The following C6orf136 variants were observed in gnomAD, a reference collection of about 807,000 sequenced individuals.
C6orf136 encodes the protein uncharacterized protein C6orf136.
Under a neutral mutation model 44.0 loss-of-function variants are expected in C6orf136, and 29 were observed. That is an observed-to-expected ratio of 0.66 (90% CI 0.49 to 0.90). C6orf136 has a LOEUF of 0.90. Ranked by LOEUF, C6orf136 falls within the 40% of genes least tolerant of loss-of-function variation. The pLI is 0.00. For missense variants in C6orf136, 628 were observed against 669.3 expected (o/e 0.94, Z 0.68); for synonymous variants, 293 against 278.6 (o/e 1.05, Z -0.52).
chr6:30,652,992 A>G lies in C6orf136; in HGVS notation c.*77A>G. On this transcript the variant is annotated 3_prime_UTR_variant, in exon 6 of 6. Transcript: ENST00000651131. ...GGAGGTGGAGGCAGCCAAGAATCTC[A>G]GGAGCCAGCTTCCTCTCCTCGTTTC... 7.5e-7 allele frequency: 1 copy of G among 1,339,078 alleles called. No homozygotes were observed. The highest frequency in any genetic ancestry group is 1.1e-6 in the Non-Finnish European group (1 of 942,030). The allele number at this position is 1,339,078 out of a possible 1,614,324, so 82.9% of individuals were successfully genotyped here. A position where few individuals can be genotyped will look rare whatever the true frequency, so the allele number is the denominator to read the frequency against.
At chr6:30,650,904 T>TC (rs1767345104) in intron 2 of C6orf136, 90 bp from the exon 3 acceptor site, 7 of 944,334 alleles carry the variant, frequency 7.4e-6, no homozygotes, top group Non-Finnish European at 1.2e-5. Flanking sequence ...AGAGCTAGAC[T>TC]CCGTCTCAAA....
At position 30,653,174 on chromosome 6, in the gene C6orf136, T is replaced by A; in HGVS notation, c.*259T>A. 6.6e-7 allele frequency: 1 copy of A among 1,523,312 alleles called. No homozygotes were observed. The highest frequency in any genetic ancestry group is 2.3e-5 in the East Asian group (1 of 43,510). The allele number at this position is 1,523,312 out of a possible 1,614,324, so 94.4% of individuals were successfully genotyped here. ...AAGCTTTATTCCAAAAATAATTTTATTTAATAGGTATTAAATAATGTATAG... is the reference window on the plus strand; with the variant it reads ...AAGCTTTATTCCAAAAATAATTTTAATTAATAGGTATTAAATAATGTATAG... On this transcript the variant is annotated 3_prime_UTR_variant, in exon 6 of 6. Coordinates refer to ENST00000651131, the MANE Select transcript of C6orf136 (RefSeq NM_001161376.2).
Position 30,652,860 on chromosome 6 carries a change from T to C in C6orf136, c.1436T>C (p.Val479Ala). 4 of 1,613,098 alleles carry C rather than the reference T, an allele frequency of 2.5e-6. No homozygotes were observed. Among genetic ancestry groups the C allele is most frequent in the Non-Finnish European group, 3.4e-6 (4 of 1,180,046 alleles). Residue 479 changes from valine (V) to alanine (A), a missense_variant, in exon 6 of 6, where the codon GTG (valine) becomes GCG (alanine). By Grantham distance (64) the Val-to-Ala change is moderately conservative. Around this residue, in one of 2 missense-constraint regions of C6orf136, gnomAD observed 131 missense variants for 200.1 expected, o/e 0.65. Coordinates refer to ENST00000651131, the MANE Select transcript of C6orf136 (RefSeq NM_001161376.2). ...PVKKLLVGAL[V>A]ALGLSEPEPD... ...AAGAAGCTGCTAGTGGGAGCCCTGG[T>C]GGCCCTGGGGCTGTCAGAGCCAGAA...
In C6orf136 at chr6:30,651,398, G is replaced by A. The variant is rs1003672122; in HGVS notation, c.1239G>A (p.Arg413=). The part of the protein sequence containing the change: ...PENWTLQARW[R]LVGLPVHLLF... ...ACTGGACCCTGCAAGCCCGGTGGCG[G>A]CTTGTGGGGCTGCCCGTCCACTTGC... The change falls in exon 4 of 6, where the codon CGG becomes CGA. Residue 413 remains arginine, a synonymous_variant. Coordinates refer to ENST00000651131, the MANE Select transcript of C6orf136 (RefSeq NM_001161376.2). 1 of 1,613,418 alleles carries A rather than the reference G, an allele frequency of 6.2e-7. No individual in the cohort carries two copies. The highest frequency in any genetic ancestry group is 1.3e-5 in the African/African-American group (1 of 75,062).
At position 30,651,350 on chromosome 6, in the gene C6orf136, A is replaced by G. The variant is rs1767391581; in HGVS notation, c.1191A>G (p.Leu397=). Residue 397 remains leucine, a synonymous_variant, in exon 4 of 6, where the codon TTA becomes TTG. Coordinates refer to ENST00000651131, the MANE Select transcript of C6orf136 (RefSeq NM_001161376.2). ...TTGCACACCTTCGTTTGGAGGTTTTACAGCTGACCCGCCACCCTGAGAACT... is the reference window on the plus strand; with the variant it reads ...TTGCACACCTTCGTTTGGAGGTTTTGCAGCTGACCCGCCACCCTGAGAACT... The part of the protein sequence containing the change: ...NYFAHLRLEV[L]QLTRHPENWT... The G allele has an allele frequency of 6.2e-7, 1 of 1,613,972 alleles. No individual in the cohort carries two copies. The highest frequency in any genetic ancestry group is 8.5e-7 in the Non-Finnish European group (1 of 1,180,028).
intron 1 of C6orf136, among the ~76,000 whole-genome samples, chr6:30,648,918 G>A (rs1268995060): frequency 3.3e-5 from 5 of 150,260 alleles, no homozygotes; most frequent in East Asian, 4.1e-4. Flanking sequence ...TGAGGCAGGA[G>A]AATGGCTTGA....
chr6:30,653,188 A>C lies in C6orf136; in HGVS notation c.*273A>C. The C allele has an allele frequency of 6.4e-7, 1 of 1,571,108 alleles. No individual in the cohort carries two copies. The highest frequency in any genetic ancestry group is 8.6e-7 in the Non-Finnish European group (1 of 1,164,138). ...AAATAATTTTATTTAATAGGTATTA[A>C]ATAATGTATAGAAGGAAAAGGAGCT... is the stretch of plus-strand genomic sequence containing the variant. On this transcript the variant is annotated 3_prime_UTR_variant, in exon 6 of 6. Transcript: ENST00000651131.
chr6:30,649,656 CCCA>C lies in C6orf136; in HGVS notation c.716_718del (p.Pro239del), dbSNP rs775796124. The C allele has an allele frequency of 1.2e-6, 2 of 1,606,920 alleles. No individual in the cohort carries two copies. Among genetic ancestry groups the C allele is most frequent in the African/African-American group, 2.7e-5 (2 of 74,404 alleles). On this transcript the variant is annotated inframe_deletion, in exon 2 of 6. Transcript: ENST00000651131. ...CTCCTCTATTCTGGTCTCCCCTGCC[CCCA>C]CGCCTTCCCACCCAGCGTCTTCCCC...
rs1315355208 is a variant in C6orf136 at position 30,647,471 on chromosome 6, G to C, written c.240G>C (p.Ala80=). Residue 80 remains alanine, a synonymous_variant, in exon 1 of 6, where the codon GCG becomes GCC. Transcript: ENST00000651131. The surrounding 1 kb of genome is among the most constrained non-coding windows in gnomAD (Gnocchi z 4.8). ...TGGACAGGCTAGGGGTCGCGGGAGC[G>C]GGAGGGAGGCGCTGCCGGGCCTGTC... The part of the protein sequence containing the change: ...QRVDRLGVAG[A]GGRRCRACRA... 2 of 1,483,642 alleles carry C rather than the reference G, an allele frequency of 1.3e-6. No individual in the cohort carries two copies. The highest frequency in any genetic ancestry group is 2.7e-5 in the South Asian group (2 of 74,378). The allele number at this position is 1,483,642 out of a possible 1,614,324, so 91.9% of individuals were successfully genotyped here. A position where few individuals can be genotyped will look rare whatever the true frequency, so the allele number is the denominator to read the frequency against.
intron 4 of C6orf136, among the ~76,000 whole-genome samples, chr6:30,651,772 T>G (rs1383692340): frequency 6.6e-6 from 1 of 152,150 alleles, no homozygotes; most frequent in East Asian, 1.9e-4. Flanking sequence ...CCCAAAGTGC[T>G]GAGATTACAG....
chr6:30,650,074 T>C, intron 2 of C6orf136, 115 bp downstream of exon 2: 2 of 938,542 alleles, frequency 2.1e-6, no homozygotes, highest in East Asian at 2.6e-5. Flanking sequence ...GGCATAGAAA[T>C]ATATTATAAA....
At position 30,649,937 on chromosome 6, in the gene C6orf136, T is replaced by C. The variant is rs768334873; in HGVS notation, c.995T>C (p.Met332Thr). 2 of 1,613,574 alleles carry C rather than the reference T, an allele frequency of 1.2e-6. No individual in the cohort carries two copies. The highest frequency in any genetic ancestry group is 1.7e-6 in the Non-Finnish European group (2 of 1,179,918). Residue 332 changes from methionine (M) to threonine (T), a missense_variant, in exon 2 of 6, where the codon ATG (methionine) becomes ACG (threonine). Met to Thr is a moderately conservative substitution (Grantham distance 81). This residue lies in a region of C6orf136 where 497 missense variants were observed against 469.2 expected (regional missense o/e 1.06). Coordinates refer to ENST00000651131, the MANE Select transcript of C6orf136 (RefSeq NM_001161376.2). ...AGTATGGAGGAACATCTGTCTGTCA[T>C]GTATGAGAGACTGAGACAAGAGGTA... ...DPSMEEHLSVMYERLRQELPK... is the reference protein window; with the variant it reads ...DPSMEEHLSVTYERLRQELPK...
intron 2 of C6orf136, among the ~76,000 whole-genome samples, 184 bp downstream of exon 2, chr6:30,650,143 C>T (rs1767269610): frequency 6.6e-6 from 1 of 152,036 alleles, no homozygotes; most frequent in African/African-American, 2.4e-5. Context: ...GCTGTAATCC[C>T]AGCACTTTGG....
Position 30,652,702 on chromosome 6 carries a change from C to A in C6orf136, c.1362C>A (p.Arg454=). Residue 454 remains arginine, a synonymous_variant, in exon 5 of 6, where the codon CGC becomes CGA. Transcript: ENST00000651131. ...FYLNSSGLIC[R]HRLDKLMPSH... is the part of the protein sequence containing the mutation. ...TGAATTCCAGTGGCCTCATTTGTCG[C>A]CATCGTCTAGATAAAGTGAGTCCTA... The A allele has an allele frequency of 6.2e-7, 1 of 1,613,052 alleles. No homozygotes were observed. Among genetic ancestry groups the A allele is most frequent in the Non-Finnish European group, 8.5e-7 (1 of 1,180,032 alleles).
At position 30,650,985 on chromosome 6, in the gene C6orf136, T is replaced by G; in HGVS notation, c.1018-9T>G. On this transcript the variant is annotated splice_polypyrimidine_tract_variant and intron_variant, in intron 2 of 5. Transcript: ENST00000651131. ...TCCCACTGGGTTGATGCCATCTTCT[T>G]CCACCTAGCTTCCCAAGCTCTTCCT... The G allele has an allele frequency of 6.2e-7, 1 of 1,605,568 alleles. No individual in the cohort carries two copies. Among genetic ancestry groups the G allele is most frequent in the Non-Finnish European group, 8.5e-7 (1 of 1,172,360 alleles).
chr6:30,653,164 A>T lies in C6orf136; in HGVS notation c.*249A>T. 1 of 1,496,612 alleles carries T rather than the reference A, an allele frequency of 6.7e-7. No individual in the cohort carries two copies. The highest frequency in any genetic ancestry group is 9.0e-7 in the Non-Finnish European group (1 of 1,115,280). The allele number at this position is 1,496,612 out of a possible 1,614,324, so 92.7% of individuals were successfully genotyped here. On this transcript the variant is annotated 3_prime_UTR_variant, in exon 6 of 6. Coordinates refer to ENST00000651131, the MANE Select transcript of C6orf136 (RefSeq NM_001161376.2). Reference sequence around the variant, plus strand: ...ATGTTCCCACAAGCTTTATTCCAAAAATAATTTTATTTAATAGGTATTAAA... The same window carrying T: ...ATGTTCCCACAAGCTTTATTCCAAATATAATTTTATTTAATAGGTATTAAA...
rs773413897 is a variant in C6orf136, at chr6:30,647,312, A to G, written c.81A>G (p.Gly27=). 9.4e-6 allele frequency: 15 copies of G among 1,594,626 alleles called. No homozygotes were observed. The African/African-American group carries it at 1.9e-4, about 20-fold the overall frequency. ...ACCAGGCTCGACCCCAGGTGAGCGG[A>G]GGAGAAGAGGGAGGGAGGAGAGGGG... ...RAYQARPQVS[G]GEEGGRRGGG... The change falls in exon 1 of 6, where the codon GGA becomes GGG. Residue 27 remains glycine, a synonymous_variant. Transcript: ENST00000651131. This position sits in a 1 kb window ranked among gnomAD's most constrained non-coding sequence, Gnocchi z 4.8.
intron 3 of C6orf136, 65 bp downstream of exon 3, chr6:30,651,147 T>G (rs1582911411): frequency 6.4e-7 from 1 of 1,563,314 alleles, no homozygotes; most frequent in East Asian, 2.2e-5. Flanking sequence ...TACATGACCC[T>G]TTTCACTTCC....
In C6orf136 at chr6:30,652,967, G is replaced by T. The variant is rs1366943143; in HGVS notation, c.*52G>T. The T allele has an allele frequency of 6.6e-7, 1 of 1,505,314 alleles. No homozygotes were observed. Among genetic ancestry groups the T allele is most frequent in the Admixed American group, 1.7e-5 (1 of 59,022 alleles). The allele number at this position is 1,505,314 out of a possible 1,614,324, so 93.2% of individuals were successfully genotyped here. ...CTGAAGACTGCTACGCCCAAGAGAA[G>T]GAGGTGGAGGCAGCCAAGAATCTCA... is the stretch of plus-strand genomic sequence containing the variant. On this transcript the variant is annotated 3_prime_UTR_variant, in exon 6 of 6. Transcript: ENST00000651131.
Sources: allele counts gnomAD v4.1 joint callset (sites outside exome capture counted in the v4.1 genomes callset), GRCh38; gene constraint gnomAD v4.1.1; regional missense constraint gnomAD v4.1.1; non-coding constraint Gnocchi (gnomAD v3.1); transcripts MANE v1.5; gene names NCBI Gene and HGNC (gene_info 2026-07-23, HGNC 2026-07-21).